The following PELI2 variants were observed in gnomAD, a reference collection of about 807,000 sequenced individuals.
PELI2 encodes E3 ubiquitin-protein ligase pellino homolog 2.
PELI2 carries 23 observed loss-of-function variants against 42.3 expected under a neutral mutation model. That is an observed-to-expected ratio of 0.54 (90% CI 0.39 to 0.77). PELI2 has a LOEUF of 0.77. PELI2 is among the 30% of genes least tolerant of loss of function. The pLI, the probability that PELI2 is intolerant of heterozygous loss-of-function variation, is 0.00. For synonymous variants in PELI2, 245 were observed against 212.2 expected (o/e 1.15, Z -1.34); for missense variants, 463 against 553.2 (o/e 0.84, Z 1.64).
chr14:56,218,458 T>A (rs1457619078), intron 2 of PELI2, among the ~76,000 whole-genome samples: 1 of 152,262 alleles, frequency 6.6e-6, no homozygotes, highest in Non-Finnish European at 1.5e-5. Context: ...GTTACTTCTT[T>A]ACTTGTTGCC....
At chr14:56,290,564 G>T in intron 5 of PELI2, 108 bp downstream of exon 5, 1 of 681,396 alleles carries the variant, frequency 1.5e-6, no homozygotes, top group Non-Finnish European at 2.3e-6. Flanking sequence ...AGGTCCAAGC[G>T]CCATGTACTG....
At position 56,280,466 on chromosome 14, in the gene PELI2, CAACA is replaced by C. The variant is rs372572018; in HGVS notation, c.309+695_309+698del. Among the ~76,000 whole-genome samples, 50 of 151,772 alleles carry C rather than the reference CAACA, an allele frequency of 3.3e-4. 3 individuals are homozygous for C. In the East Asian group the frequency reaches 9.3e-3, roughly 28 times the overall value. ...ATATTCCAGATTTAGTACTTTAAAA[CAACA>C]AACAATTAAAATTTAGACTAATAAC... On this transcript the variant is annotated intron_variant, in intron 3 of 5. Transcript: ENST00000267460.
rs1479217230 is a variant in PELI2, at chr14:56,301,502, TAAAGA to T, written c.*4339_*4343del. On this transcript the variant is annotated 3_prime_UTR_variant, in exon 6 of 6. Transcript: ENST00000267460. ...CTGAAAATCCCCTACATTTTTTAAT[TAAAGA>T]AATTTCCTTGGTGCCTATATTACTA... 6.6e-6 allele frequency: 1 copy of T among 152,224 alleles called. No homozygotes were observed. The highest frequency in any genetic ancestry group is 2.4e-5 in the African/African-American group (1 of 41,454). 9.4% of individuals were successfully genotyped at this position (152,224 alleles called of 1,614,324 possible). A position where few individuals can be genotyped will look rare whatever the true frequency, so the allele number is the denominator to read the frequency against.
intron 2 of PELI2, among the ~76,000 whole-genome samples, chr14:56,232,498 G>A (rs10143679): frequency 0.42 from 64,188 of 151,638 alleles, 13,897 homozygotes; most frequent in South Asian, 0.53. Context: ...AGCAGAACCA[G>A]AAACAAAAAG....
At chr14:56,123,002 C>T (rs114267630) in intron 1 of PELI2, among the ~76,000 whole-genome samples, 11,661 of 152,032 alleles carry the variant, frequency 0.077, 548 homozygotes, top group South Asian at 0.24. Flanking sequence ...AGGGTAAGAA[C>T]CTCTACAAAT....
chr14:56,178,046 C>CATTCT (rs1885447878), intron 1 of PELI2, among the ~76,000 whole-genome samples: 1 of 152,156 alleles, frequency 6.6e-6, no homozygotes, highest in Non-Finnish European at 1.5e-5. Context: ...GCAGAATACT[C>CATTCT]ATTTGCTTAT....
intron 2 of PELI2, among the ~76,000 whole-genome samples, chr14:56,181,340 CT>C (rs57251739): frequency 0.31 from 29,812 of 97,066 alleles, 3,321 homozygotes; most frequent in South Asian, 0.41. Flanking sequence ...CCCTGGTGGA[CT>C]TTTTTTTTTT....
intron 2 of PELI2, among the ~76,000 whole-genome samples, chr14:56,241,499 T>C (rs1594675004): frequency 3.9e-5 from 6 of 152,280 alleles, no homozygotes; most frequent in Admixed American, 3.9e-4. Context: ...TCTACCTGTA[T>C]TGCCGAGGGC....
intron 1 of PELI2, among the ~76,000 whole-genome samples, chr14:56,124,157 A>C (rs1470063268): frequency 6.6e-6 from 1 of 152,258 alleles, no homozygotes; most frequent in Non-Finnish European, 1.5e-5. Context: ...TAAAATAATA[A>C]GAGCAGAAAG....
At chr14:56,178,295 A>T in intron 1 of PELI2, 40 bp from the exon 2 acceptor site, 6 of 1,607,204 alleles carry the variant, frequency 3.7e-6, no homozygotes, top group Non-Finnish European at 5.1e-6. Flanking sequence ...AAAGCTTGAA[A>T]AATCTGCAGA....
intron 2 of PELI2, among the ~76,000 whole-genome samples, chr14:56,206,049 T>G (rs1448504531): frequency 6.6e-6 from 1 of 152,122 alleles, no homozygotes; most frequent in Non-Finnish European, 1.5e-5. Context: ...CAGGAGGAAG[T>G]GTGGCAACTA....
rs759415092 is a variant in PELI2 at position 56,297,289 on chromosome 14, G to A, written c.*123G>A. 1.1e-4 allele frequency: 72 copies of A among 661,090 alleles called. No individual in the cohort carries two copies. Among genetic ancestry groups the A allele is most frequent in the Non-Finnish European group, 1.6e-4 (61 of 382,480 alleles). The allele number at this position is 661,090 out of a possible 1,614,324, so 41.0% of individuals were successfully genotyped here. On this transcript the variant is annotated 3_prime_UTR_variant, in exon 6 of 6. Transcript: ENST00000267460. The stretch of plus-strand genomic sequence containing the variant: ...GAGGGTGACAGGGGCTGGAAATAAA[G>A]AGAGGGGACATGGTGATGAAACATG...
chr14:56,134,694 C>T (rs370134096), intron 1 of PELI2, among the ~76,000 whole-genome samples: 5 of 151,784 alleles, frequency 3.3e-5, no homozygotes, highest in Admixed American at 2.6e-4. Flanking sequence ...GAGTGATAAC[C>T]GTGAAAGCCA....
In PELI2 at chr14:56,197,998, ACACACACACACACACC is replaced by A. The variant is rs1448198089; in HGVS notation, c.207+19538_207+19553del. Among the ~76,000 whole-genome samples the A allele has an allele frequency of 8.8e-5, 13 of 147,966 alleles. No individual in the cohort carries two copies. The highest frequency in any genetic ancestry group is 2.2e-4 in the South Asian group (1 of 4,606). Reference sequence around the variant, plus strand: ...CACACACACACACACACACACACACACACACACACACACACCCACCTCTTTGGTCCACTTCTCTAGA... The same window carrying A: ...CACACACACACACACACACACACACACACCTCTTTGGTCCACTTCTCTAGA... On this transcript the variant is annotated intron_variant, in intron 2 of 5. Transcript: ENST00000267460. The surrounding 1 kb of genome is among the most constrained non-coding windows in gnomAD (Gnocchi z 4.9).
At chr14:56,272,364 C>T (rs1189955390) in intron 2 of PELI2, among the ~76,000 whole-genome samples, 1 of 152,230 alleles carries the variant, frequency 6.6e-6, no homozygotes, top group African/African-American at 2.4e-5. Flanking sequence ...TGCATGCATA[C>T]ACACACGCAT....
In PELI2 at chr14:56,217,854, T is replaced by C. The variant is rs375235040; in HGVS notation, c.207+39390T>C. ...TCCATACAGTGTTATACTCACCAGC[T>C]CGCAGATCTGTTAGCAAATACTGTT... On this transcript the variant is annotated intron_variant, in intron 2 of 5. Coordinates refer to ENST00000267460, the MANE Select transcript of PELI2 (RefSeq NM_021255.3). Among the ~76,000 whole-genome samples, 21 of 152,266 alleles carry C rather than the reference T, an allele frequency of 1.4e-4. 1 individual carries two copies. The highest frequency in any genetic ancestry group is 8.5e-4 in the Admixed American group (13 of 15,278).
chr14:56,148,430 C>A (rs1049806188), intron 1 of PELI2, among the ~76,000 whole-genome samples: 4 of 152,136 alleles, frequency 2.6e-5, no homozygotes, highest in East Asian at 1.9e-4. Flanking sequence ...CAGTACAGGC[C>A]CTGCCTGCAT....
intron 2 of PELI2, among the ~76,000 whole-genome samples, chr14:56,232,271 C>T (rs1362161721): frequency 6.6e-6 from 1 of 152,096 alleles, no homozygotes; most frequent in Admixed American, 6.5e-5. Flanking sequence ...AGGCCAGCAT[C>T]ATCCTGATGC....
chr14:56,134,895 C>T (rs1883631990), intron 1 of PELI2, among the ~76,000 whole-genome samples: 1 of 151,418 alleles, frequency 6.6e-6, no homozygotes, highest in Non-Finnish European at 1.5e-5. Flanking sequence ...GACTTCAGTT[C>T]GTAGAATTCT....
Sources: gnomAD v4.1 joint callset for allele counts (sites outside exome capture counted in the v4.1 genomes callset) on GRCh38, gnomAD v4.1.1 for gene constraint, Gnocchi (gnomAD v3.1) non-coding constraint, MANE v1.5 for transcripts, NCBI Gene and HGNC (gene_info 2026-07-23, HGNC 2026-07-21) for gene names.